The following SEPTIN9 variants were observed in gnomAD, a reference collection of about 807,000 sequenced individuals.
SEPTIN9 encodes the protein septin 9.
SEPTIN9 carries 13 observed loss-of-function variants against 56.6 expected under a neutral mutation model. The observed-to-expected ratio is 0.23, with a 90% confidence interval of 0.15 to 0.37. The LOEUF is 0.37. SEPTIN9 is among the 10% of genes least tolerant of loss of function. The probability of loss-of-function intolerance (pLI) is 1.00; values close to 1 mark genes in which losing one functional copy is unlikely to be tolerated. For synonymous variants in SEPTIN9, 332 were observed against 334.1 expected (o/e 0.99, Z 0.07); for missense variants, 650 against 823.1 (o/e 0.79, Z 2.57).
At chr17:77,465,639 C>G (rs773265008) in intron 3 of SEPTIN9, among the ~76,000 whole-genome samples, 2 of 152,104 alleles carry the variant, frequency 1.3e-5, no homozygotes, top group Admixed American at 1.3e-4. Flanking sequence ...GGGGTGGGGA[C>G]GCAGAGTGAC....
At chr17:77,316,376 C>A (rs1486669093) in intron 2 of SEPTIN9, among the ~76,000 whole-genome samples, 1 of 152,238 alleles carries the variant, frequency 6.6e-6, no homozygotes, top group Non-Finnish European at 1.5e-5. Flanking sequence ...TTCAAGTGAT[C>A]CCCCGCCTGG....
intron 10 of SEPTIN9, 41 bp downstream of exon 10, chr17:77,493,117 A>G (rs767987743): frequency 4.1e-6 from 6 of 1,448,892 alleles, no homozygotes; most frequent in Admixed American, 2.0e-5. Context: ...AGATGGGAAG[A>G]CAGTCTCTTC....
chr17:77,459,622 C>T (rs1344496780), intron 3 of SEPTIN9, among the ~76,000 whole-genome samples: 1 of 152,130 alleles, frequency 6.6e-6, no homozygotes, highest in Non-Finnish European at 1.5e-5. Flanking sequence ...ATCTGCTTGG[C>T]TTCTGGGGAG....
intron 3 of SEPTIN9, among the ~76,000 whole-genome samples, chr17:77,409,260 G>T (rs1250851570): frequency 1.3e-5 from 2 of 148,180 alleles, no homozygotes; most frequent in African/African-American, 5.1e-5. Context: ...GGTCTAGAGT[G>T]GGAAGTCCCG....
chr17:77,324,862 A>G (rs1412483148), intron 2 of SEPTIN9, among the ~76,000 whole-genome samples: 2 of 131,766 alleles, frequency 1.5e-5, no homozygotes, highest in Non-Finnish European at 3.1e-5. Context: ...TCTGTTGCCC[A>G]GGCTGGAGTG....
intron 2 of SEPTIN9, among the ~76,000 whole-genome samples, chr17:77,344,184 C>A (rs1383720678): frequency 6.6e-6 from 1 of 151,580 alleles, no homozygotes; most frequent in African/African-American, 2.4e-5. Context: ...AGCCACAAAA[C>A]AAAAAAAAAC....
At chr17:77,288,417 G>A (rs2031373466) in intron 1 of SEPTIN9, among the ~76,000 whole-genome samples, 1 of 152,234 alleles carries the variant, frequency 6.6e-6, no homozygotes, top group Non-Finnish European at 1.5e-5. Flanking sequence ...GGCTGAGATG[G>A]GAGCAGCAGC....
In SEPTIN9 at chr17:77,340,145, T is replaced by G. The variant is rs187243646; in HGVS notation, c.76+32948T>G. Among the ~76,000 whole-genome samples the G allele has an allele frequency of 4.9e-4, 73 of 149,212 alleles. No individual in the cohort carries two copies. In the East Asian group the frequency reaches 8.7e-3, roughly 18 times the overall value. On this transcript the variant is annotated intron_variant, in intron 2 of 11. Coordinates refer to ENST00000427177, the MANE Select transcript of SEPTIN9 (RefSeq NM_001113491.2). ...TGCTTGGCCCTTTTTTGTTTTTTTG[T>G]TTTTTTTCAAATTGAGACAGAGTCT...
intron 2 of SEPTIN9, among the ~76,000 whole-genome samples, chr17:77,360,807 G>A (rs931721196): frequency 2.0e-5 from 3 of 151,640 alleles, no homozygotes; most frequent in Non-Finnish European, 4.4e-5. Flanking sequence ...CTCGCAATCT[G>A]CCCTCCTCGG....
chr17:77,305,761 G>T (rs956631327), intron 1 of SEPTIN9, among the ~76,000 whole-genome samples: 6 of 151,726 alleles, frequency 4.0e-5, no homozygotes, highest in African/African-American at 1.5e-4. Flanking sequence ...ACAGGCCTGG[G>T]CTGCTGGACA....
At position 77,450,225 on chromosome 17, in the gene SEPTIN9, G is replaced by T. The variant is rs568098123; in HGVS notation, c.722-31919G>T. ...TGCTGGCTGGGGAGCCGCTGGACGT[G>T]GCTGGCCTGTTTGGCCAGTGTGGCG... On this transcript the variant is annotated intron_variant, in intron 3 of 11. Coordinates refer to ENST00000427177, the MANE Select transcript of SEPTIN9 (RefSeq NM_001113491.2). This position sits in a 1 kb window ranked among gnomAD's most constrained non-coding sequence, Gnocchi z 6.0. Among the ~76,000 whole-genome samples, 1,472 of 152,288 alleles carry T rather than the reference G, an allele frequency of 9.7e-3. 11 individuals carry two copies. The highest frequency in any genetic ancestry group is 0.016 in the Non-Finnish European group (1,091 of 68,012).
At position 77,400,647 on chromosome 17, in the gene SEPTIN9, A is replaced by C. The variant is rs1282191972; in HGVS notation, c.77-1412A>C. On this transcript the variant is annotated intron_variant, in intron 2 of 11. Coordinates refer to ENST00000427177, the MANE Select transcript of SEPTIN9 (RefSeq NM_001113491.2). This position sits in a 1 kb window ranked among gnomAD's most constrained non-coding sequence, Gnocchi z 4.1. ...GCGCTATTATTGGGGGCTGGGGACC[A>C]GCTGTCATCCCTTTTCCTGTGGGCA... 1 of 152,374 alleles carries C rather than the reference A, an allele frequency of 6.6e-6. No individual in the cohort carries two copies. The highest frequency in any genetic ancestry group is 1.5e-5 in the Non-Finnish European group (1 of 68,164). The allele number at this position is 152,374 out of a possible 1,614,324, so 9.4% of individuals were successfully genotyped here.
At chr17:77,413,763 A>G (rs917417035) in intron 3 of SEPTIN9, among the ~76,000 whole-genome samples, 1 of 152,058 alleles carries the variant, frequency 6.6e-6, no homozygotes, top group African/African-American at 2.4e-5. Flanking sequence ...GGAGTTGCCC[A>G]GAGAGCAGCT....
chr17:77,401,923 C>A, intron 2 of SEPTIN9, 136 bp from the exon 3 acceptor site: 1 of 813,098 alleles, frequency 1.2e-6, no homozygotes, highest in Non-Finnish European at 1.9e-6. Flanking sequence ...CTTGCTGAGA[C>A]ATGAAGGACG....
chr17:77,481,626 C>CATGGGGATGTGGGAGGCGGGGA (rs1568107216), intron 3 of SEPTIN9, among the ~76,000 whole-genome samples: 1 of 152,212 alleles, frequency 6.6e-6, no homozygotes, highest in South Asian at 2.1e-4. Context: ...CAAGACCATC[C>CATGGGGATGTGGGAGGCGGGGA]CTCCTGTGTC....
At chr17:77,290,814 C>CATAAATAAATAAATAAATAA (rs71160222) in intron 1 of SEPTIN9, among the ~76,000 whole-genome samples, 3 of 141,384 alleles carry the variant, frequency 2.1e-5, no homozygotes, top group Non-Finnish European at 4.6e-5. Flanking sequence ...GACCCTGTCT[C>CATAAATAAATAAATAAATAA]ATAAATAAAT....
intron 2 of SEPTIN9, among the ~76,000 whole-genome samples, chr17:77,315,246 C>T (rs998577782): frequency 4.0e-5 from 6 of 151,372 alleles, no homozygotes; most frequent in African/African-American, 1.5e-4. Flanking sequence ...GAAAAAGAAG[C>T]AGTTCCTAGG....
chr17:77,375,457 C>T (rs1020033945), intron 2 of SEPTIN9: 1 of 152,268 alleles, frequency 6.6e-6, no homozygotes, highest in South Asian at 2.1e-4. Flanking sequence ...GTTCGTTGTA[C>T]AGCTGTCACC....
intron 3 of SEPTIN9, chr17:77,428,838 C>A: frequency 2.6e-6 from 1 of 380,162 alleles, no homozygotes; most frequent in Non-Finnish European, 5.5e-6. Flanking sequence ...GAGGTTAGAG[C>A]CACCCATGGG....
Sources: allele counts gnomAD v4.1 joint callset (sites outside exome capture counted in the v4.1 genomes callset), GRCh38; gene constraint gnomAD v4.1.1; non-coding constraint Gnocchi (gnomAD v3.1); transcripts MANE v1.5; gene names NCBI Gene and HGNC (gene_info 2026-07-23, HGNC 2026-07-21).